The following FOXP1 variants were observed in gnomAD, a reference collection of about 807,000 sequenced individuals.
FOXP1 encodes forkhead box P1.
A neutral mutation model predicts 98.2 loss-of-function variants in FOXP1; 15 were observed. That is an observed-to-expected ratio of 0.15 (90% CI 0.10 to 0.24). The LOEUF is 0.24. Ranked by LOEUF, FOXP1 falls within the 10% of genes least tolerant of loss-of-function variation. FOXP1 has a pLI of 1.00. For missense variants in FOXP1, 633 were observed against 848.5 expected (o/e 0.75, Z 3.15); for synonymous variants, 371 against 314.5 (o/e 1.18, Z -1.90).
intron 3 of FOXP1, among the ~76,000 whole-genome samples, chr3:71,375,359 G>C (rs2079636081): frequency 6.6e-6 from 1 of 152,170 alleles, no homozygotes; most frequent in Non-Finnish European, 1.5e-5. Flanking sequence ...TAAAGAAACA[G>C]CTGGAATTCT....
At chr3:71,279,642 C>A (rs2071300503) in intron 5 of FOXP1, among the ~76,000 whole-genome samples, 1 of 151,950 alleles carries the variant, frequency 6.6e-6, no homozygotes, top group African/African-American at 2.4e-5. Context: ...GTGTATCCAA[C>A]CAAGTAGAAA....
At chr3:71,541,586 A>G (rs2044820155) in intron 2 of FOXP1, among the ~76,000 whole-genome samples, 2 of 152,344 alleles carry the variant, frequency 1.3e-5, no homozygotes, top group Non-Finnish European at 2.9e-5. Flanking sequence ...ATGCTACTCT[A>G]GCTGCACAAC....
intron 3 of FOXP1, among the ~76,000 whole-genome samples, chr3:71,446,068 AGTGAG>A (rs1560498871): frequency 6.6e-6 from 1 of 151,898 alleles, no homozygotes; most frequent in African/African-American, 2.4e-5. Context: ...TGAGTGAGTG[AGTGAG>A]TGAGTGAGTG....
chr3:71,477,058 C>G (rs2089911822), intron 3 of FOXP1, among the ~76,000 whole-genome samples: 1 of 152,166 alleles, frequency 6.6e-6, no homozygotes, highest in South Asian at 2.1e-4. Context: ...CTTTATGTAT[C>G]ACCAGAGCCT....
intron 5 of FOXP1, among the ~76,000 whole-genome samples, chr3:71,285,036 C>T (rs976472522): frequency 1.3e-5 from 2 of 152,036 alleles, no homozygotes; most frequent in Non-Finnish European, 2.9e-5. Flanking sequence ...ATAATGAGAA[C>T]TTAGTTAATG....
At chr3:71,380,617 A>G (rs945548183) in intron 3 of FOXP1, among the ~76,000 whole-genome samples, 1 of 150,802 alleles carries the variant, frequency 6.6e-6, no homozygotes, top group Non-Finnish European at 1.5e-5. Context: ...AACACTTTAC[A>G]CTCTTCAATG....
At chr3:71,078,442 C>T (rs188634949) in intron 7 of FOXP1, among the ~76,000 whole-genome samples, 12 of 152,216 alleles carry the variant, frequency 7.9e-5, no homozygotes, top group Admixed American at 7.8e-4. Context: ...AAGCTGGGTA[C>T]AAACCATGAT....
chr3:71,352,222 T>C (rs1333792369), intron 4 of FOXP1, among the ~76,000 whole-genome samples: 1 of 151,992 alleles, frequency 6.6e-6, no homozygotes, highest in African/African-American at 2.4e-5. Context: ...TCTCAGCACT[T>C]TGGGAGGCTG....
chr3:70,956,752 T>TTTG lies in FOXP1; in HGVS notation c.*2494_*2495insCAA, dbSNP rs2031919575. 1 of 187,192 alleles carries TTTG rather than the reference T, an allele frequency of 5.3e-6. No individual in the cohort carries two copies. Among genetic ancestry groups the TTTG allele is most frequent in the African/African-American group, 2.9e-5 (1 of 34,840 alleles). The allele number at this position is 187,192 out of a possible 1,614,324, so 11.6% of individuals were successfully genotyped here. ...GAAAAGTTTTTTTTTTTTTTTTTTT[T>TTTG]TTTTTTTTTTTTTTTTTTTTTAAAG... On this transcript the variant is annotated 3_prime_UTR_variant, in exon 21 of 21. Transcript: ENST00000649528.
chr3:71,121,047 T>C (rs1398984740), intron 6 of FOXP1, among the ~76,000 whole-genome samples: 5 of 150,884 alleles, frequency 3.3e-5, no homozygotes. Context: ...TTCTTTCTTT[T>C]TTTTTTTTTT....
chr3:70,993,244 T>C (rs539185560), intron 13 of FOXP1, among the ~76,000 whole-genome samples: 3 of 151,620 alleles, frequency 2.0e-5, no homozygotes, highest in South Asian at 4.2e-4. Flanking sequence ...ATTTGGGAGA[T>C]GTTGGAGTGA....
intron 11 of FOXP1, among the ~76,000 whole-genome samples, chr3:71,031,696 A>C (rs1466244736): frequency 1.3e-5 from 2 of 152,208 alleles, no homozygotes; most frequent in Non-Finnish European, 2.9e-5. Context: ...AAACTGGACA[A>C]CCAAAATAGT....
chr3:71,262,003 C>T (rs1214091082), intron 5 of FOXP1, among the ~76,000 whole-genome samples: 1 of 152,016 alleles, frequency 6.6e-6, no homozygotes, highest in Non-Finnish European at 1.5e-5. Context: ...TGCGGTGGCT[C>T]ACGCCTGTAA....
Position 71,024,543 on chromosome 3 carries a change from A to G in FOXP1, c.870-8890T>C, listed in dbSNP as rs149639719. ...TCTCTACAAACTGTAACAAACACAC[A>G]TGCTTCTCCCTTTCTCTCTCACGCA... On this transcript the variant is annotated intron_variant, in intron 11 of 20. Coordinates refer to ENST00000649528, the MANE Select transcript of FOXP1 (RefSeq NM_001349338.3). 2.1e-3 allele frequency among the ~76,000 whole-genome samples: 320 copies of G among 152,264 alleles called. 1 individual carries two copies. The highest frequency in any genetic ancestry group is 5.6e-3 in the South Asian group (27 of 4,824).
chr3:71,053,711 G>A lies in FOXP1; in HGVS notation c.345C>T (p.Ile115=), dbSNP rs1269740658. 6.8e-6 allele frequency: 11 copies of A among 1,614,112 alleles called. No individual in the cohort carries two copies. Among genetic ancestry groups the A allele is most frequent in the South Asian group, 2.2e-5 (2 of 91,080 alleles). The change falls in exon 8 of 21, where the codon ATC becomes ATT. Residue 115 remains isoleucine (I), a synonymous_variant. Coordinates refer to ENST00000649528, the MANE Select transcript of FOXP1 (RefSeq NM_001349338.3). ...GAGGGCTCAGCACTTGTTGCTGGAG[G>A]ATCTGCTGCATTTGCTGGGGAGTGA... ...QVITPQQMQQ[I]LQQQVLSPQQ...
intron 2 of FOXP1, among the ~76,000 whole-genome samples, chr3:71,518,962 G>A (rs1246647416): frequency 1.3e-5 from 2 of 152,224 alleles, no homozygotes. Context: ...AATAATGTGT[G>A]AGGCCAGGTG....
At chr3:71,137,667 G>A (rs1432799867) in intron 6 of FOXP1, among the ~76,000 whole-genome samples, 1 of 151,984 alleles carries the variant, frequency 6.6e-6, no homozygotes, top group Non-Finnish European at 1.5e-5. Context: ...ATCAGCCTAA[G>A]GTATCTGGTC....
intron 9 of FOXP1, among the ~76,000 whole-genome samples, chr3:71,050,840 T>A (rs1468750892): frequency 6.6e-6 from 1 of 152,238 alleles, no homozygotes; most frequent in Admixed American, 6.5e-5. Context: ...TTGTCCAAAC[T>A]GAAGCTCGCA....
intron 2 of FOXP1, among the ~76,000 whole-genome samples, chr3:71,524,539 T>TAAAA (rs35974535): frequency 1.6e-5 from 2 of 128,898 alleles, no homozygotes; most frequent in African/African-American, 5.7e-5. Flanking sequence ...AAATAAATCT[T>TAAAA]AAAAAAAAAA....
Sources: gnomAD v4.1 joint callset for allele counts (sites outside exome capture counted in the v4.1 genomes callset) on GRCh38, gnomAD v4.1.1 for gene constraint, MANE v1.5 for transcripts, NCBI Gene and HGNC (gene_info 2026-07-23, HGNC 2026-07-21) for gene names.